TSHZ3: variants seen among roughly 807,000 people sequenced by gnomAD.
The protein encoded by TSHZ3 is teashirt homolog 3.
In TSHZ3, 10 loss-of-function variants were observed where a neutral mutation model predicts 64.5. The ratio of observed to expected loss-of-function variants is 0.16; its 90% CI spans 0.10 to 0.26. The LOEUF is 0.26. TSHZ3 is among the 10% of genes least tolerant of loss of function. TSHZ3 has a pLI of 1.00. For synonymous variants in TSHZ3, 608 were observed against 593.1 expected (o/e 1.03, Z -0.36); for missense variants, 1,242 against 1,421.7 (o/e 0.87, Z 2.03).
upstream of TSHZ3, among the ~76,000 whole-genome samples, chr19:31,349,709 A>C (rs1428093153): frequency 7.0e-6 from 1 of 143,214 alleles, no homozygotes; most frequent in Non-Finnish European, 1.5e-5. Flanking sequence ...AGCGGCCCGG[A>C]CCGGTACTGC....
rs567933127 is a variant in TSHZ3, at chr19:31,301,649, C to T, written c.41-21897G>A. On this transcript the variant is annotated intron_variant, in intron 1 of 1. Transcript: ENST00000240587. ...TTCCGCAAGGTCCACCCTCAGGCCT[C>T]CCATGGCAGGTCAGAGAGGGTCGGG... Among the ~76,000 whole-genome samples the T allele has an allele frequency of 3.3e-5, 5 of 152,270 alleles. No homozygotes were observed. The South Asian group carries it at 8.3e-4, about 25-fold the overall frequency.
At position 31,164,896 on chromosome 19, in the gene TSHZ3, CACAG is replaced by C. The variant is rs1974423798; in HGVS notation, n.810-8483_810-8480del. Among the ~76,000 whole-genome samples the C allele has an allele frequency of 3.3e-5, 5 of 152,354 alleles. No individual in the cohort carries two copies. The South Asian group carries it at 1.0e-3, about 32-fold the overall frequency. On this transcript the variant is annotated intron_variant and non_coding_transcript_variant, in intron 5 of 6. Coordinates refer to the TSHZ3 transcript ENST00000651361. ...TGGCCGATTGGACCAGGAAACACAACACAGACAGCCTTCTCACTTGCAGGGGAGA... is the reference window on the plus strand; with the variant it reads ...TGGCCGATTGGACCAGGAAACACAACACAGCCTTCTCACTTGCAGGGGAGA...
chr19:31,238,786 A>G (rs1196350446), intron 3 of TSHZ3, among the ~76,000 whole-genome samples: 1 of 152,128 alleles, frequency 6.6e-6, no homozygotes, highest in Non-Finnish European at 1.5e-5. Context: ...TATTTTTAAA[A>G]TGTGTCTCCT....
At chr19:31,340,821 AG>A (rs1388886729) in intron 1 of TSHZ3, among the ~76,000 whole-genome samples, 1 of 152,220 alleles carries the variant, frequency 6.6e-6, no homozygotes, top group Non-Finnish European at 1.5e-5. Context: ...GCCAAGACCC[AG>A]GAGGCAGGCC....
At chr19:31,272,263 T>A (rs1976153444), downstream of TSHZ3, among the ~76,000 whole-genome samples, 1 of 152,106 alleles carries the variant, frequency 6.6e-6, no homozygotes, top group African/African-American at 2.4e-5. Context: ...ATAAGTATTT[T>A]GTCACCACGT....
intron 1 of TSHZ3, among the ~76,000 whole-genome samples, chr19:31,247,646 C>T (rs1453410918): frequency 6.6e-6 from 1 of 152,076 alleles, no homozygotes; most frequent in East Asian, 1.9e-4. Context: ...ATAATCAGCC[C>T]CATCAGAACA....
At position 31,223,365 on chromosome 19, in the gene TSHZ3, CGTGTGTGTGTGTGT is replaced by C. The variant is rs10551485; in HGVS notation, n.686+4626_686+4639del. Among the ~76,000 whole-genome samples, 4 of 142,404 alleles carry C rather than the reference CGTGTGTGTGTGTGT, an allele frequency of 2.8e-5. No homozygotes were observed. In the South Asian group the frequency reaches 7.0e-4, roughly 25 times the overall value. The allele number at this position is 142,404 out of a possible 152,430, so 93.4% of individuals were successfully genotyped here. A position where few individuals can be genotyped will look rare whatever the true frequency, so the allele number is the denominator to read the frequency against. On this transcript the variant is annotated intron_variant and non_coding_transcript_variant, in intron 4 of 6. Transcript: ENST00000651361. ...TGGACTCTAATTTTAGTTCTTATAA[CGTGTGTGTGTGTGT>C]GTGTGTGTGTGTGTGTGTGTGTGAC...
intron 4 of TSHZ3, among the ~76,000 whole-genome samples, chr19:31,226,101 G>A (rs559338739): frequency 6.6e-6 from 1 of 151,256 alleles, no homozygotes; most frequent in Non-Finnish European, 1.5e-5. Context: ...ACTTCACCCT[G>A]GGCAACAGAG....
chr19:31,292,906 C>CACCCATCCATCCAACCAACA (rs1976595005), intron 1 of TSHZ3, among the ~76,000 whole-genome samples: 1 of 134,322 alleles, frequency 7.4e-6, no homozygotes, highest in Non-Finnish European at 1.7e-5. Flanking sequence ...TCCATCCATC[C>CACCCATCCATCCAACCAACA]ACCCATCCAT....
chr19:31,348,976 G>A, intron 1 of TSHZ3: 1 of 598,626 alleles, frequency 1.7e-6, no homozygotes, highest in East Asian at 3.4e-5. Context: ...GGGTGCGAGA[G>A]GGAAGAGGGC....
rs1214984789 is a variant in TSHZ3, at chr19:31,168,086, T to A, written n.810-11669A>T. ...AATTAGATCAGAGATAGATGCCACC[T>A]TTTCTCAGTGTTAAAACTGTGAGGG... On this transcript the variant is annotated intron_variant and non_coding_transcript_variant, in intron 5 of 6. Transcript: ENST00000651361. 4.6e-5 allele frequency among the ~76,000 whole-genome samples: 7 copies of A among 152,248 alleles called. No individual in the cohort carries two copies. In the East Asian group the frequency reaches 1.2e-3, roughly 25 times the overall value.
At chr19:31,293,201 T>A (rs1385617891) in intron 1 of TSHZ3, among the ~76,000 whole-genome samples, 1 of 152,134 alleles carries the variant, frequency 6.6e-6, no homozygotes, top group African/African-American at 2.4e-5. Flanking sequence ...TAGACACTAA[T>A]TATATACTCC....
downstream of TSHZ3, among the ~76,000 whole-genome samples, chr19:31,273,917 G>A (rs1211033267): frequency 6.6e-6 from 1 of 152,170 alleles, no homozygotes; most frequent in Non-Finnish European, 1.5e-5. Flanking sequence ...CAAGGCAAGA[G>A]CTTAGCTAAC....
intron 5 of TSHZ3, among the ~76,000 whole-genome samples, chr19:31,186,650 G>A (rs2145133182): frequency 6.6e-6 from 1 of 152,228 alleles, no homozygotes; most frequent in African/African-American, 2.4e-5. Flanking sequence ...TTTCAATTTG[G>A]TTTCACCATT....
intron 1 of TSHZ3, among the ~76,000 whole-genome samples, chr19:31,307,478 C>T (rs1368553252): frequency 1.3e-5 from 2 of 152,118 alleles, no homozygotes; most frequent in Non-Finnish European, 2.9e-5. Context: ...AGCCCCACCT[C>T]CTCCACCTGA....
chr19:31,272,252 T>C (rs980990145), downstream of TSHZ3, among the ~76,000 whole-genome samples: 3 of 152,084 alleles, frequency 2.0e-5, no homozygotes, highest in Non-Finnish European at 4.4e-5. Context: ...TTTTTTCCTC[T>C]ATAAGTATTT....
intron 4 of TSHZ3, among the ~76,000 whole-genome samples, chr19:31,226,262 C>A (rs1202171330): frequency 6.6e-6 from 1 of 152,114 alleles, no homozygotes; most frequent in African/African-American, 2.4e-5. Context: ...GTGTCCCCAC[C>A]CAAATCTCAT....
chr19:31,295,421 G>A lies in TSHZ3; in HGVS notation c.41-15669C>T, dbSNP rs1019404225. Among the ~76,000 whole-genome samples the A allele has an allele frequency of 7.2e-5, 11 of 152,248 alleles. 2 individuals are homozygous for A. In the South Asian group the frequency reaches 1.4e-3, roughly 20 times the overall value. On this transcript the variant is annotated intron_variant, in intron 1 of 1. Coordinates refer to ENST00000240587, the MANE Select transcript of TSHZ3 (RefSeq NM_020856.4). ...GAAAGGATTCAAATGTCTACCACCA[G>A]TAGAGTGAATAAATACACAGTGTCC...
At chr19:31,288,373 C>T (rs1599627755) in intron 1 of TSHZ3, among the ~76,000 whole-genome samples, 1 of 152,280 alleles carries the variant, frequency 6.6e-6, no homozygotes, top group East Asian at 1.9e-4. Context: ...AGGAAAAATG[C>T]CAAGAGGCTC....
Sources: gnomAD v4.1 joint callset for allele counts (sites outside exome capture counted in the v4.1 genomes callset) on GRCh38, gnomAD v4.1.1 for gene constraint, MANE v1.5 for transcripts, NCBI Gene and HGNC (gene_info 2026-07-23, HGNC 2026-07-21) for gene names.